Variants in FBLN1 observed in about 807,000 individuals in gnomAD.
FBLN1 encodes the protein fibulin-1.
In FBLN1, 34 loss-of-function variants were observed where a neutral mutation model predicts 89.7. The observed-to-expected ratio is 0.38, with a 90% CI of 0.29 to 0.50. The LOEUF (loss-of-function observed/expected upper bound fraction) is 0.50, where lower values mean the gene tolerates loss of function less well. Ranked by LOEUF, FBLN1 falls within the 20% of genes least tolerant of loss-of-function variation. The probability of loss-of-function intolerance (pLI) is 0.92; values close to 1 mark genes in which losing one functional copy is unlikely to be tolerated. For synonymous variants in FBLN1, 393 were observed against 391.3 expected, an observed-to-expected ratio of 1.00 and a Z score of -0.05; for missense variants, 777 against 988.1, an observed-to-expected ratio of 0.79 and a Z score of 2.86.
rs2088400484 is a variant in FBLN1, at chr22:45,531,110, CT to C, written c.485-153del. The stretch of plus-strand genomic sequence containing the variant: ...TATACATTTTCAAGTGTAATTCTAG[CT>C]TAAAGAGGATAAAGTTAATACTTAG... On this transcript the variant is annotated intron_variant, in intron 4 of 16. Transcript: ENST00000327858. This position sits in a 1 kb window ranked among gnomAD's most constrained non-coding sequence, Gnocchi z 4.9. 6.6e-6 allele frequency among the ~76,000 whole-genome samples: 1 copy of C among 152,102 alleles called. No individual in the cohort carries two copies. Among genetic ancestry groups the C allele is most frequent in the Non-Finnish European group, 1.5e-5 (1 of 68,032 alleles).
intron 14 of FBLN1, among the ~76,000 whole-genome samples, chr22:45,559,797 T>G (rs1360892765): frequency 6.6e-6 from 1 of 152,202 alleles, no homozygotes; most frequent in Admixed American, 6.5e-5. Flanking sequence ...GCAGTTACTC[T>G]GGTAAAAGGC....
At chr22:45,596,957 CAT>C (rs1375159601) in intron 16 of FBLN1, among the ~76,000 whole-genome samples, 1 of 149,660 alleles carries the variant, frequency 6.7e-6, no homozygotes. Flanking sequence ...AGTTATATAT[CAT>C]ATATGAAACT....
chr22:45,516,411 CTG>C (rs1318881473), intron 1 of FBLN1, among the ~76,000 whole-genome samples: 6 of 152,214 alleles, frequency 3.9e-5, no homozygotes, highest in Admixed American at 2.0e-4. Context: ...CCTGTCTCGT[CTG>C]TAACAGATAA....
In FBLN1 at chr22:45,533,717, G is replaced by A. The variant is rs746176353; in HGVS notation, c.647-44G>A. The A allele has an allele frequency of 1.1e-4, 169 of 1,596,846 alleles. 4 individuals are homozygous for A. The South Asian group carries it at 1.8e-3, about 17-fold the overall frequency. On this transcript the variant is annotated intron_variant, in intron 6 of 16. Coordinates refer to ENST00000327858, the MANE Select transcript of FBLN1 (RefSeq NM_006486.3). ...TCCTTTCTAGGATGTATTAGGATGGGTCGTTCTTGCTGGTCACCCCCGCAC... is the reference window on the plus strand; with the variant it reads ...TCCTTTCTAGGATGTATTAGGATGGATCGTTCTTGCTGGTCACCCCCGCAC...
In FBLN1 at chr22:45,563,336, AGTCTTAGCAAGC is replaced by A; in HGVS notation, c.1698-11171_1698-11160del. 1 of 1,606,292 alleles carries A rather than the reference AGTCTTAGCAAGC, an allele frequency of 6.2e-7. No homozygotes were observed. Among genetic ancestry groups the A allele is most frequent in the Non-Finnish European group, 8.5e-7 (1 of 1,178,738 alleles). ...ACCCTGCCCTCCGGGGCGTTAATAAAGTCTTAGCAAGCGTCCCACACAGTGAGCCTCGCGTGC... is the reference window on the plus strand; with the variant it reads ...ACCCTGCCCTCCGGGGCGTTAATAAAGTCCCACACAGTGAGCCTCGCGTGC... On this transcript the variant is annotated intron_variant, in intron 14 of 16. Transcript: ENST00000327858. This position sits in a 1 kb window ranked among gnomAD's most constrained non-coding sequence, Gnocchi z 5.7.
intron 4 of FBLN1, among the ~76,000 whole-genome samples, chr22:45,529,142 C>G (rs113284470): frequency 0.15 from 23,521 of 152,172 alleles, 2,372 homozygotes; most frequent in African/African-American, 0.29. Context: ...TGCTGAAGAT[C>G]GCACAGCCGA....
At chr22:45,513,387 C>T (rs535505264) in intron 1 of FBLN1, among the ~76,000 whole-genome samples, 1 of 151,720 alleles carries the variant, frequency 6.6e-6, no homozygotes, top group Non-Finnish European at 1.5e-5. Context: ...TCACTACAAC[C>T]TTTACCTCCC....
intron 4 of FBLN1, among the ~76,000 whole-genome samples, chr22:45,529,287 C>T (rs112345937): frequency 6.6e-6 from 1 of 152,236 alleles, no homozygotes; most frequent in Non-Finnish European, 1.5e-5. Flanking sequence ...ATCATAGACA[C>T]TTACTCAGCA....
At chr22:45,555,633 C>T (rs1427682575) in intron 14 of FBLN1, among the ~76,000 whole-genome samples, 1 of 152,092 alleles carries the variant, frequency 6.6e-6, no homozygotes, top group Non-Finnish European at 1.5e-5. Context: ...TTTTTGGCAA[C>T]ACCCTCACAG....
intron 14 of FBLN1, among the ~76,000 whole-genome samples, chr22:45,567,474 G>A (rs1459794808): frequency 6.6e-6 from 1 of 152,156 alleles, no homozygotes; most frequent in Non-Finnish European, 1.5e-5. Flanking sequence ...CAATTAGCTG[G>A]TCGTGGTGGT....
chr22:45,594,174 G>A (rs1002927104), intron 16 of FBLN1, among the ~76,000 whole-genome samples: 1 of 152,232 alleles, frequency 6.6e-6, no homozygotes, highest in East Asian at 1.9e-4. Flanking sequence ...CTGCATGTGG[G>A]CAGCGAGTGT....
intron 14 of FBLN1, among the ~76,000 whole-genome samples, chr22:45,569,789 C>A (rs1228118150): frequency 6.6e-6 from 1 of 152,148 alleles, no homozygotes; most frequent in Non-Finnish European, 1.5e-5. Context: ...ACCAAACCTG[C>A]CAACACCTTG....
chr22:45,594,097 CAG>C (rs5845721), intron 16 of FBLN1, among the ~76,000 whole-genome samples: 45,344 of 151,986 alleles, frequency 0.3, 10,103 homozygotes, highest in African/African-American at 0.63. Flanking sequence ...CATGGCAAAT[CAG>C]AGTCTGTAGG....
intron 16 of FBLN1, among the ~76,000 whole-genome samples, chr22:45,591,649 G>C (rs2089137340): frequency 6.6e-6 from 1 of 152,132 alleles, no homozygotes; most frequent in African/African-American, 2.4e-5. Context: ...CAGCCAAGCA[G>C]AGAAGACCAG....
In FBLN1 at chr22:45,581,231, C is replaced by T. The variant is rs74661068; in HGVS notation, c.1972+4123C>T. Among the ~76,000 whole-genome samples the T allele has an allele frequency of 5.8e-3, 888 of 152,246 alleles. 6 individuals carry two copies. Among genetic ancestry groups the T allele is most frequent in the African/African-American group, 0.02 (838 of 41,554 alleles). On this transcript the variant is annotated intron_variant, in intron 16 of 16. Coordinates refer to ENST00000327858, the MANE Select transcript of FBLN1 (RefSeq NM_006486.3). This position sits in a 1 kb window ranked among gnomAD's most constrained non-coding sequence, Gnocchi z 7.6. ...GCAACTCGAGGCCACCCGGGCTCCCCGGGCCCCTGGGCTATGGCTGCTGTC... is the reference window on the plus strand; with the variant it reads ...GCAACTCGAGGCCACCCGGGCTCCCTGGGCCCCTGGGCTATGGCTGCTGTC...
At position 45,557,393 on chromosome 22, in the gene FBLN1, T is replaced by A. The variant is rs1292974308; in HGVS notation, c.1697+6778T>A. 6.6e-6 allele frequency among the ~76,000 whole-genome samples: 1 copy of A among 152,190 alleles called. No individual in the cohort carries two copies. The highest frequency in any genetic ancestry group is 1.5e-5 in the Non-Finnish European group (1 of 68,038). On this transcript the variant is annotated intron_variant, in intron 14 of 16. Coordinates refer to ENST00000327858, the MANE Select transcript of FBLN1 (RefSeq NM_006486.3). This position sits in a 1 kb window ranked among gnomAD's most constrained non-coding sequence, Gnocchi z 4.9. ...TATAATCAACCTGCCACCAGGTAGC[T>A]GGCTGATCACCCCGAGGCATGGTGC...
chr22:45,562,564 C>T lies in FBLN1; in HGVS notation c.1698-11947C>T, dbSNP rs577556733. ...ACCAAGAGCCCTGCGTAGCCCTGGC[C>T]ACTGTCTGGGCAAGGGCCTGGGAAG... On this transcript the variant is annotated intron_variant, in intron 14 of 16. Coordinates refer to ENST00000327858, the MANE Select transcript of FBLN1 (RefSeq NM_006486.3). The surrounding 1 kb of genome is among the most constrained non-coding windows in gnomAD (Gnocchi z 7.8). Among the ~76,000 whole-genome samples the T allele has an allele frequency of 6.6e-6, 1 of 152,262 alleles. No homozygotes were observed. Among genetic ancestry groups the T allele is most frequent in the East Asian group, 1.9e-4 (1 of 5,162 alleles).
At chr22:45,584,833 C>T (rs1435099495) in intron 16 of FBLN1, among the ~76,000 whole-genome samples, 5 of 152,248 alleles carry the variant, frequency 3.3e-5, no homozygotes, top group African/African-American at 7.2e-5. Context: ...AGGCAGATCT[C>T]GCGGCCTGGG....
chr22:45,589,854 G>A (rs891361535), intron 16 of FBLN1, among the ~76,000 whole-genome samples: 7 of 151,920 alleles, frequency 4.6e-5, no homozygotes, highest in African/African-American at 9.7e-5. Context: ...CCCTCCCATC[G>A]CCCTTTTCTT....
Sources: gnomAD v4.1 joint callset for allele counts (sites outside exome capture counted in the v4.1 genomes callset) on GRCh38, gnomAD v4.1.1 for gene constraint, Gnocchi (gnomAD v3.1) non-coding constraint, MANE v1.5 for transcripts, NCBI Gene and HGNC (gene_info 2026-07-23, HGNC 2026-07-21) for gene names.